The following ELP4 variants were observed in gnomAD, a reference collection of about 807,000 sequenced individuals.
ELP4 encodes elongator complex protein 4.
In ELP4, 51 loss-of-function variants were observed where a neutral mutation model predicts 48.9. The ratio of observed to expected loss-of-function variants is 1.04; its 90% confidence interval spans 0.83 to 1.32. ELP4 has a LOEUF of 1.32. ELP4 is among the 40% of genes most tolerant of loss of function. ELP4 has a pLI of 0.00. For missense variants in ELP4, 519 were observed against 514.6 expected (o/e 1.01, Z -0.08); for synonymous variants, 210 against 189.2 (o/e 1.11, Z -0.90).
intron 9 of ELP4, among the ~76,000 whole-genome samples, chr11:31,736,545 C>T (rs896144818): frequency 1.1e-4 from 17 of 152,122 alleles, no homozygotes; most frequent in African/African-American, 2.9e-4. Context: ...AGGCAACCTA[C>T]AGAATGGGAG....
chr11:31,594,933 T>C, intron 4 of ELP4, 32 bp downstream of exon 4: 1 of 1,532,474 alleles, frequency 6.5e-7, no homozygotes, highest in Non-Finnish European at 8.7e-7. Context: ...TTCCAAAATT[T>C]GCAAATGCAT....
chr11:31,548,400 A>G (rs1006612650), intron 3 of ELP4, among the ~76,000 whole-genome samples: 1 of 151,380 alleles, frequency 6.6e-6, no homozygotes, highest in Non-Finnish European at 1.5e-5. Flanking sequence ...TTCAAAGAGA[A>G]TAAAATACCT....
chr11:31,609,190 G>T (rs1472036038), intron 5 of ELP4, among the ~76,000 whole-genome samples: 1 of 152,186 alleles, frequency 6.6e-6, no homozygotes, highest in Non-Finnish European at 1.5e-5. Context: ...AAGGGAGGCT[G>T]CTATCGGGTC....
chr11:31,681,133 A>G (rs1234704168), intron 9 of ELP4, among the ~76,000 whole-genome samples: 1 of 152,178 alleles, frequency 6.6e-6, no homozygotes, highest in African/African-American at 2.4e-5. Context: ...TTGACTTTGT[A>G]TCATGAGGGG....
At chr11:31,631,556 C>T (rs1944861898) in intron 6 of ELP4, among the ~76,000 whole-genome samples, 1 of 152,040 alleles carries the variant, frequency 6.6e-6, no homozygotes, top group Non-Finnish European at 1.5e-5. Context: ...GATGTATTCA[C>T]AGTTTAATTA....
chr11:31,526,410 G>GA (rs1247207119), intron 2 of ELP4, among the ~76,000 whole-genome samples: 1 of 152,008 alleles, frequency 6.6e-6, no homozygotes, highest in East Asian at 1.9e-4. Flanking sequence ...ACACTGGCCA[G>GA]AAAACTTTTG....
chr11:31,553,418 A>C (rs937928616), intron 3 of ELP4, among the ~76,000 whole-genome samples: 2 of 152,064 alleles, frequency 1.3e-5, no homozygotes, highest in Non-Finnish European at 2.9e-5. Context: ...ACCTCAATAA[A>C]ACAAAAACGC....
chr11:31,634,626 A>G (rs1046834449), intron 7 of ELP4, among the ~76,000 whole-genome samples: 3 of 146,368 alleles, frequency 2.0e-5, no homozygotes, highest in African/African-American at 5.1e-5. Flanking sequence ...CAATCAGCCT[A>G]TCTAGATAAC....
intron 9 of ELP4, among the ~76,000 whole-genome samples, chr11:31,731,619 GA>G (rs936639323): frequency 7.0e-6 from 1 of 143,662 alleles, no homozygotes; most frequent in African/African-American, 2.8e-5. Flanking sequence ...GAAGAAGAGA[GA>G]AAAAAGGAGG....
At chr11:31,521,489 CAT>C (rs142374897) in intron 2 of ELP4, among the ~76,000 whole-genome samples, 4,026 of 152,102 alleles carry the variant, frequency 0.026, 166 homozygotes, top group African/African-American at 0.091. Flanking sequence ...AGTTTTCTCA[CAT>C]GTTTTGTTTA....
intron 5 of ELP4, among the ~76,000 whole-genome samples, chr11:31,604,649 G>C (rs1325281350): frequency 6.6e-6 from 1 of 151,866 alleles, no homozygotes; most frequent in Non-Finnish European, 1.5e-5. Context: ...TTTTCAAAAT[G>C]AGATGAGCTA....
intron 9 of ELP4, chr11:31,763,545 A>G (rs757988594): frequency 6.2e-7 from 1 of 1,609,192 alleles, no homozygotes; most frequent in East Asian, 2.2e-5. Flanking sequence ...GCTTCCTTGC[A>G]AAGGGTATGG....
intron 9 of ELP4, among the ~76,000 whole-genome samples, chr11:31,679,891 T>C (rs1946021145): frequency 6.6e-6 from 1 of 152,206 alleles, no homozygotes; most frequent in Non-Finnish European, 1.5e-5. Context: ...ATCTTGACAG[T>C]ATTGTGTCTT....
chr11:31,699,135 A>G (rs1946469968), intron 9 of ELP4, among the ~76,000 whole-genome samples: 1 of 152,170 alleles, frequency 6.6e-6, no homozygotes, highest in Admixed American at 6.6e-5. Flanking sequence ...CCTAGGGAAT[A>G]CTCCAAGTAC....
At chr11:31,560,681 C>CA (rs1957004321) in intron 3 of ELP4, among the ~76,000 whole-genome samples, 2 of 58,556 alleles carry the variant, frequency 3.4e-5, no homozygotes, top group Non-Finnish European at 8.4e-5. Flanking sequence ...TTATAAAGAC[C>CA]ACATTGTTTT....
At chr11:31,647,116 C>T (rs1320687201) in intron 7 of ELP4, 1 of 151,738 alleles carries the variant, frequency 6.6e-6, no homozygotes, top group Non-Finnish European at 1.5e-5. Flanking sequence ...AGTCATCTAC[C>T]ATCTTTTCTT....
At chr11:31,639,192 T>A (rs1157383080) in intron 7 of ELP4, among the ~76,000 whole-genome samples, 1 of 151,862 alleles carries the variant, frequency 6.6e-6, no homozygotes, top group Non-Finnish European at 1.5e-5. Flanking sequence ...TAACTGAGAA[T>A]CTGCCTTTAA....
intron 2 of ELP4, among the ~76,000 whole-genome samples, chr11:31,526,904 A>G (rs1198917141): frequency 6.6e-6 from 1 of 151,870 alleles, no homozygotes; most frequent in Non-Finnish European, 1.5e-5. Flanking sequence ...TCTTAACCCT[A>G]TCCCTTTCTC....
chr11:31,672,031 G>T (rs561970717), intron 9 of ELP4, among the ~76,000 whole-genome samples: 6 of 152,066 alleles, frequency 3.9e-5, no homozygotes, highest in South Asian at 2.1e-4. Context: ...TTGTTTTTCT[G>T]GGGGGAGCTT....
Sources: allele counts gnomAD v4.1 joint callset (sites outside exome capture counted in the v4.1 genomes callset), GRCh38; gene constraint gnomAD v4.1.1; transcripts MANE v1.5; gene names NCBI Gene and HGNC (gene_info 2026-07-23, HGNC 2026-07-21).